Variants in ESRRG observed in about 807,000 individuals in gnomAD.
ESRRG encodes estrogen-related receptor gamma.
In ESRRG, 13 loss-of-function variants were observed where a neutral mutation model predicts 44.0. The observed-to-expected ratio is 0.30, with a 90% CI of 0.19 to 0.47. The LOEUF (loss-of-function observed/expected upper bound fraction) is 0.47, where lower values mean the gene tolerates loss of function less well. Among genes scored for constraint, ESRRG ranks in the 20% least tolerant of loss-of-function variants. The probability of loss-of-function intolerance (pLI) is 1.00; values close to 1 mark genes in which losing one functional copy is unlikely to be tolerated. For missense variants in ESRRG, 395 were observed against 580.6 expected (o/e 0.68, Z 3.29); for synonymous variants, 215 against 214.6 (o/e 1.00, Z -0.02).
chr1:216,642,500 G>T (rs933288394), intron 3 of ESRRG, among the ~76,000 whole-genome samples: 1 of 151,988 alleles, frequency 6.6e-6, no homozygotes, highest in Admixed American at 6.6e-5. Flanking sequence ...ATGTCAAGAC[G>T]AAGCTCACAG....
At chr1:216,932,515 C>T (rs908673297) in intron 2 of ESRRG, among the ~76,000 whole-genome samples, 1 of 151,892 alleles carries the variant, frequency 6.6e-6, no homozygotes, top group African/African-American at 2.4e-5. Flanking sequence ...TTTGCGTCCT[C>T]GCACAATTTT....
chr1:216,892,468 C>T (rs181200928), intron 2 of ESRRG, among the ~76,000 whole-genome samples: 25 of 152,180 alleles, frequency 1.6e-4, no homozygotes, highest in Admixed American at 5.9e-4. Flanking sequence ...AGAAAACTAG[C>T]CTCTATGTAA....
At chr1:216,675,680 C>A (rs1247132540) in intron 2 of ESRRG, among the ~76,000 whole-genome samples, 1 of 152,098 alleles carries the variant, frequency 6.6e-6, no homozygotes, top group Non-Finnish European at 1.5e-5. Flanking sequence ...GATTGCTAGG[C>A]CCACCCTCAG....
chr1:216,588,227 CA>C (rs1456674204), intron 3 of ESRRG, among the ~76,000 whole-genome samples: 1 of 152,076 alleles, frequency 6.6e-6, no homozygotes. Flanking sequence ...AGGGATTTCC[CA>C]TATGAAATTG....
At chr1:216,974,419 C>A (rs1439686623) in intron 1 of ESRRG, among the ~76,000 whole-genome samples, 1 of 152,082 alleles carries the variant, frequency 6.6e-6, no homozygotes, top group Admixed American at 6.6e-5. Flanking sequence ...ATGACAATAA[C>A]CTAGACCTAA....
chr1:217,099,769 T>C (rs1383368591), intron 1 of ESRRG, among the ~76,000 whole-genome samples: 1 of 152,174 alleles, frequency 6.6e-6, no homozygotes, highest in East Asian at 1.9e-4. Context: ...CACTACACAA[T>C]AACAATGCTT....
chr1:216,823,471 G>C (rs557805641), intron 2 of ESRRG, among the ~76,000 whole-genome samples: 1 of 152,282 alleles, frequency 6.6e-6, no homozygotes, highest in South Asian at 2.1e-4. Flanking sequence ...CAGTGGTGTG[G>C]AGATGCTGGG....
chr1:216,616,550 G>A (rs2061450729), intron 3 of ESRRG, among the ~76,000 whole-genome samples: 2 of 152,098 alleles, frequency 1.3e-5, no homozygotes, highest in South Asian at 4.1e-4. Context: ...CTACTGTGAT[G>A]ACAGAGGGCA....
rs1027983774 is a variant in ESRRG, at chr1:216,506,842, G to T, written c.*97C>A. On this transcript the variant is annotated 3_prime_UTR_variant, in exon 7 of 7. Coordinates refer to ENST00000408911, the MANE Select transcript of ESRRG (RefSeq NM_001438.4). ...TTATCAGTGCAGTCTGTTGATTTTT[G>T]ATGTTGTTAACTAAACTCTAAGTTT... 7.3e-7 allele frequency: 1 copy of T among 1,370,580 alleles called. No individual in the cohort carries two copies. Among genetic ancestry groups the T allele is most frequent in the Non-Finnish European group, 1.0e-6 (1 of 998,894 alleles). 84.9% of individuals were successfully genotyped at this position (1,370,580 alleles called of 1,614,324 possible). A position where few individuals can be genotyped will look rare whatever the true frequency, so the allele number is the denominator to read the frequency against.
intron 1 of ESRRG, among the ~76,000 whole-genome samples, chr1:216,980,909 C>G (rs2073853580): frequency 1.5e-5 from 1 of 68,544 alleles, no homozygotes; most frequent in East Asian, 3.6e-4. Context: ...CTTTCATATG[C>G]TCTTCTCTCA....
intron 1 of ESRRG, among the ~76,000 whole-genome samples, chr1:216,974,976 A>C (rs995803804): frequency 2.0e-5 from 3 of 152,152 alleles, no homozygotes; most frequent in Non-Finnish European, 4.4e-5. Flanking sequence ...AAGAACTGCA[A>C]ATATAGGATT....
Position 216,916,691 on chromosome 1 carries a change from T to G in ESRRG, c.-14+22891A>C, listed in dbSNP as rs1040394840. On this transcript the variant is annotated intron_variant, in intron 2 of 7. Transcript: ENST00000359162. ...TTTCAGAATTCATTCATGTCAGATG[T>G]AGACCATTTTGAGAAGTGCTCAAAT... Among the ~76,000 whole-genome samples the G allele has an allele frequency of 2.1e-4, 32 of 152,076 alleles. 1 individual carries two copies. Among genetic ancestry groups the G allele is most frequent in the Non-Finnish European group, 4.3e-4 (29 of 68,024 alleles).
intron 3 of ESRRG, among the ~76,000 whole-genome samples, chr1:216,633,637 A>G (rs764316072): frequency 1.3e-5 from 2 of 152,212 alleles, no homozygotes; most frequent in African/African-American, 4.8e-5. Context: ...TATTTAGCCC[A>G]GGTATGGTGA....
At chr1:216,987,705 C>G (rs1348080319) in intron 1 of ESRRG, among the ~76,000 whole-genome samples, 1 of 152,156 alleles carries the variant, frequency 6.6e-6, no homozygotes, top group Non-Finnish European at 1.5e-5. Context: ...CACTCCCATC[C>G]CTTCTTCCTT....
At chr1:216,945,910 G>C (rs1350820304) in intron 1 of ESRRG, among the ~76,000 whole-genome samples, 1 of 152,098 alleles carries the variant, frequency 6.6e-6, no homozygotes, top group Non-Finnish European at 1.5e-5. Flanking sequence ...TTTTTTGGCA[G>C]ACCACAGTTA....
chr1:216,613,291 G>A (rs2152472), intron 3 of ESRRG, among the ~76,000 whole-genome samples: 25,512 of 152,142 alleles, frequency 0.17, 2,387 homozygotes, highest in Middle Eastern at 0.25. Flanking sequence ...GTAACATCTT[G>A]TAATGGTGAC....
intron 3 of ESRRG, among the ~76,000 whole-genome samples, chr1:216,574,617 T>C (rs1021719050): frequency 3.3e-5 from 5 of 152,164 alleles, no homozygotes; most frequent in Admixed American, 3.3e-4. Flanking sequence ...ACATTTAATA[T>C]GTTATTCCCA....
At chr1:216,678,603 C>T (rs1044814285) in intron 1 of ESRRG, among the ~76,000 whole-genome samples, 3 of 152,188 alleles carry the variant, frequency 2.0e-5, no homozygotes, top group South Asian at 2.1e-4. Context: ...CACAAGTGAC[C>T]GAATTTCTGG....
intron 2 of ESRRG, among the ~76,000 whole-genome samples, chr1:216,732,597 G>C (rs1322839021): frequency 6.6e-6 from 1 of 151,806 alleles, no homozygotes; most frequent in African/African-American, 2.4e-5. Context: ...GGCTGGTCTC[G>C]AATGCCTGAC....
Sources: allele counts gnomAD v4.1 joint callset (sites outside exome capture counted in the v4.1 genomes callset), GRCh38; gene constraint gnomAD v4.1.1; transcripts MANE v1.5; gene names NCBI Gene and HGNC (gene_info 2026-07-23, HGNC 2026-07-21).